Variants in DLC1 observed in about 807,000 individuals in gnomAD.
The protein encoded by DLC1 is DLC1 Rho GTPase activating protein.
DLC1 carries 54 observed loss-of-function variants against 140.3 expected under a neutral mutation model. That is an observed-to-expected ratio of 0.38 (90% CI 0.31 to 0.48). DLC1 has a LOEUF of 0.48. Ranked by LOEUF, DLC1 falls within the 20% of genes least tolerant of loss-of-function variation. The probability of loss-of-function intolerance (pLI) is 0.96; values close to 1 mark genes in which losing one functional copy is unlikely to be tolerated. For missense variants in DLC1, 2,536 were observed against 1,907.0 expected, an observed-to-expected ratio of 1.33 and a Z score of -6.14; for synonymous variants, 986 against 728.1, an observed-to-expected ratio of 1.35 and a Z score of -5.70.
chr8:13,275,668 G>A (rs1831132378), intron 5 of DLC1, among the ~76,000 whole-genome samples: 1 of 152,160 alleles, frequency 6.6e-6, no homozygotes, highest in Non-Finnish European at 1.5e-5. Context: ...TAGAGCACTT[G>A]AATTGCACCA....
rs570954346 is a variant in DLC1, at chr8:13,596,202, A to C, written c.-126+8335T>G. 2.2e-3 allele frequency among the ~76,000 whole-genome samples: 329 copies of C among 152,120 alleles called. 1 individual carries two copies. Among genetic ancestry groups the C allele is most frequent in the African/African-American group, 7.6e-3 (314 of 41,538 alleles). ...ATTGTTGGGTGCCTGTCTTAGCACC[A>C]AATTTTGTTCTTTATAGAAAGATGT... On this transcript the variant is annotated intron_variant, in intron 1 of 1. Coordinates refer to the DLC1 transcript ENST00000631382.
At chr8:13,506,544 GACACACACACACAC>G (rs1286418920) in intron 1 of DLC1, among the ~76,000 whole-genome samples, 2 of 127,652 alleles carry the variant, frequency 1.6e-5, no homozygotes, top group South Asian at 2.6e-4. Context: ...CACACACATG[GACACACACACACAC>G]ACACACACAT....
intron 2 of DLC1, among the ~76,000 whole-genome samples, chr8:13,468,810 G>T (rs200784406): frequency 0.095 from 7,417 of 78,218 alleles, 427 homozygotes; most frequent in East Asian, 0.23. Flanking sequence ...TTTTATGTCT[G>T]CTTTTTTTTT....
rs868435993 is a variant in DLC1, at chr8:13,564,136, G to T, written c.-126+40401C>A. ...CAAAAAAATAGCTATTAAAGTAGAA[G>T]GCAGCTATTCACAAGGCAATTAATC... On this transcript the variant is annotated intron_variant, in intron 1 of 1. Coordinates refer to the DLC1 transcript ENST00000631382. Among the ~76,000 whole-genome samples the T allele has an allele frequency of 6.2e-4, 94 of 151,918 alleles. 1 individual carries two copies. The highest frequency in any genetic ancestry group is 2.2e-3 in the African/African-American group (90 of 41,382).
chr8:13,384,039 A>T (rs960390212), intron 4 of DLC1, among the ~76,000 whole-genome samples: 1 of 152,210 alleles, frequency 6.6e-6, no homozygotes, highest in Non-Finnish European at 1.5e-5. Flanking sequence ...GTGTGCATGT[A>T]TCAGGAATTC....
In DLC1 at chr8:13,348,345, G is replaced by A. The variant is rs142326808; in HGVS notation, c.1315-43043C>T. Among the ~76,000 whole-genome samples, 30 of 152,222 alleles carry A rather than the reference G, an allele frequency of 2.0e-4. No individual in the cohort carries two copies. The East Asian group carries it at 4.1e-3, about 21-fold the overall frequency. ...AAAAAACTAAACTAGTGATATAGGC[G>A]GTGCCAGCTCATTCAGGGCCATGAG... On this transcript the variant is annotated intron_variant, in intron 4 of 17. Transcript: ENST00000276297.
rs192656456 is a variant in DLC1 at position 13,450,852 on chromosome 8, A to T, written c.1023+48197T>A. Among the ~76,000 whole-genome samples the T allele has an allele frequency of 9.9e-5, 15 of 152,016 alleles. No homozygotes were observed. In the East Asian group the frequency reaches 2.9e-3, roughly 30 times the overall value. On this transcript the variant is annotated intron_variant, in intron 2 of 17. Coordinates refer to ENST00000276297, the MANE Select transcript of DLC1 (RefSeq NM_182643.3). ...TCAAGATATTGAGACTATCCTGGCC[A>T]ACATGGTGAAACCCCGTTTCTACTA...
chr8:13,100,155 T>C lies in DLC1; in HGVS notation c.2182A>G (p.Met728Val), dbSNP rs1818916751. The change falls in exon 9 of 18, where the codon ATG (methionine) becomes GTG (valine). Residue 728 changes from methionine to valine, a missense_variant. Physicochemically the swap from Met to Val is conservative, Grantham distance 21. Transcript: ENST00000276297. ...ALNGNRINVP[M>V]VRKRSVSNST... The stretch of plus-strand genomic sequence containing the variant: ...TTGGAAACGCTCCTCTTTCGTACCA[T>C]GGGGACGTTGATGCGGTTGCCATTG... The C allele has an allele frequency of 6.2e-7, 1 of 1,614,172 alleles. No individual in the cohort carries two copies. The highest frequency in any genetic ancestry group is 8.5e-7 in the Non-Finnish European group (1 of 1,180,038).
chr8:13,566,908 C>T, intron 1 of DLC1: 8 of 1,442,758 alleles, frequency 5.5e-6, no homozygotes, highest in Non-Finnish European at 7.3e-6. Flanking sequence ...GAGATCCATT[C>T]CCGGAGGGGT....
intron 4 of DLC1, among the ~76,000 whole-genome samples, chr8:13,325,972 G>C (rs1256592729): frequency 6.6e-6 from 1 of 152,038 alleles, no homozygotes; most frequent in Non-Finnish European, 1.5e-5. Flanking sequence ...CTTGATATTG[G>C]CATTGCATAG....
chr8:13,525,708 C>T (rs1802900957), intron 1 of DLC1, among the ~76,000 whole-genome samples: 1 of 152,152 alleles, frequency 6.6e-6, no homozygotes, highest in South Asian at 2.1e-4. Flanking sequence ...ACCATATATT[C>T]TGCATATAAG....
intron 2 of DLC1, among the ~76,000 whole-genome samples, chr8:13,423,234 G>T (rs1311540509): frequency 6.6e-6 from 1 of 151,978 alleles, no homozygotes; most frequent in Non-Finnish European, 1.5e-5. Context: ...ATTTTTAGAA[G>T]GAAATAAATG....
Position 13,188,532 on chromosome 8 carries a change from T to C in DLC1, c.1349-72875A>G, listed in dbSNP as rs149433231. Among the ~76,000 whole-genome samples, 244 of 149,618 alleles carry C rather than the reference T, an allele frequency of 1.6e-3. 1 individual carries two copies. The highest frequency in any genetic ancestry group is 5.6e-3 in the African/African-American group (229 of 41,110). ...ATAGTATTGGAGATGTTAGATTTCT[T>C]AGGCTGGATGGTGAGTACAAGGAAG... On this transcript the variant is annotated intron_variant, in intron 5 of 17. Coordinates refer to ENST00000276297, the MANE Select transcript of DLC1 (RefSeq NM_182643.3).
At chr8:13,498,928 T>G (rs1801638854) in intron 2 of DLC1, 121 bp downstream of exon 2, 1 of 1,190,466 alleles carries the variant, frequency 8.4e-7, no homozygotes, top group Non-Finnish European at 1.1e-6. Context: ...GAATTACACA[T>G]CTGCATAACA....
intron 1 of DLC1, among the ~76,000 whole-genome samples, chr8:13,604,047 C>A: frequency 6.6e-6 from 1 of 152,130 alleles, no homozygotes; most frequent in South Asian, 2.1e-4. Flanking sequence ...ATCAACATAA[C>A]TGTAAACATA....
chr8:13,403,886 T>G (rs1374534275), intron 2 of DLC1, among the ~76,000 whole-genome samples: 1 of 143,224 alleles, frequency 7.0e-6, no homozygotes, highest in Admixed American at 7.6e-5. Context: ...CTCAAACTCC[T>G]GCACTCAGGA....
intron 5 of DLC1, among the ~76,000 whole-genome samples, chr8:13,192,159 C>T (rs1399681722): frequency 6.6e-6 from 1 of 151,848 alleles, no homozygotes; most frequent in Non-Finnish European, 1.5e-5. Flanking sequence ...CCATGTTGGC[C>T]AGGCTGGTCT....
intron 2 of DLC1, among the ~76,000 whole-genome samples, chr8:13,462,400 T>G (rs956563517): frequency 6.7e-6 from 1 of 149,144 alleles, no homozygotes; most frequent in African/African-American, 2.5e-5. Context: ...ACTATTCTTT[T>G]TTTTTTTTTT....
At chr8:13,458,828 TGG>T (rs1799529738) in intron 2 of DLC1, among the ~76,000 whole-genome samples, 1 of 135,506 alleles carries the variant, frequency 7.4e-6, no homozygotes. Flanking sequence ...TTTCTTCATT[TGG>T]AAAAAAAAAA....
Sources: allele counts gnomAD v4.1 joint callset (sites outside exome capture counted in the v4.1 genomes callset), GRCh38; gene constraint gnomAD v4.1.1; transcripts MANE v1.5; gene names NCBI Gene and HGNC (gene_info 2026-07-23, HGNC 2026-07-21).